The following KIF13A variants were observed in gnomAD, a reference collection of about 807,000 sequenced individuals.
The protein encoded by KIF13A is kinesin family member 13A.
Under a neutral mutation model 212.2 loss-of-function variants are expected in KIF13A, and 79 were observed. The ratio of observed to expected loss-of-function variants is 0.37; its 90% CI spans 0.31 to 0.45. The LOEUF is 0.45. Among genes scored for constraint, KIF13A ranks in the 20% least tolerant of loss-of-function variants. The pLI is 1.00. For missense variants in KIF13A, 1,901 were observed against 2,209.0 expected (o/e 0.86, Z 2.79); for synonymous variants, 789 against 808.6 (o/e 0.98, Z 0.41).
chr6:17,805,663 C>T (rs1196226180), intron 18 of KIF13A, 48 bp from the exon 19 acceptor site: 5 of 1,530,396 alleles, frequency 3.3e-6, no homozygotes, highest in African/African-American at 1.4e-5. Context: ...ACTCCTTTTT[C>T]GATTGCTAAA....
rs1322292926 is a variant in KIF13A at position 17,768,827 on chromosome 6, T to C, written c.4581+2287A>G. On this transcript the variant is annotated intron_variant, in intron 38 of 38. Transcript: ENST00000259711. The surrounding 1 kb of genome is among the most constrained non-coding windows in gnomAD (Gnocchi z 5.4). ...AAATCACTGACTTTCTTTCTGCTAT[T>C]CTCTATGCTTTATGACTTAAAAAGA... 6.6e-6 allele frequency among the ~76,000 whole-genome samples: 1 copy of C among 152,248 alleles called. No individual in the cohort carries two copies. The highest frequency in any genetic ancestry group is 1.5e-5 in the Non-Finnish European group (1 of 68,046).
chr6:17,958,862 G>GTCTTTT (rs1561805710), intron 2 of KIF13A, among the ~76,000 whole-genome samples: 3 of 131,992 alleles, frequency 2.3e-5, no homozygotes, highest in Non-Finnish European at 4.7e-5. Flanking sequence ...ACATTTGTGT[G>GTCTTTT]TCTTTTTCTT....
Position 17,833,957 on chromosome 6 carries a change from C to T in KIF13A, c.1266+4G>A, listed in dbSNP as rs200089081. 8 of 1,477,104 alleles carry T rather than the reference C, an allele frequency of 5.4e-6. No individual in the cohort carries two copies. The highest frequency in any genetic ancestry group is 4.4e-5 in the Admixed American group (2 of 45,454). 91.5% of individuals were successfully genotyped at this position (1,477,104 alleles called of 1,614,324 possible). On this transcript the variant is annotated splice_donor_region_variant and intron_variant, in intron 12 of 38. Coordinates refer to ENST00000259711, the MANE Select transcript of KIF13A (RefSeq NM_022113.6). ...AATATTTTAGGGCTAAATTATCAAG[C>T]TACCTGTGCTATCTCTTCTGTTTTT...
At position 17,777,975 on chromosome 6, in the gene KIF13A, A is replaced by G. The variant is rs766239921; in HGVS notation, c.4093-621T>C. ...AACATGGTAAAACCCTGTTTCTACT[A>G]AAAAATACAAAAATTAGCTGGGCAT... On this transcript the variant is annotated intron_variant, in intron 33 of 38. Transcript: ENST00000259711. The surrounding 1 kb of genome is among the most constrained non-coding windows in gnomAD (Gnocchi z 4.4). Among the ~76,000 whole-genome samples the G allele has an allele frequency of 8.6e-5, 13 of 152,000 alleles. No homozygotes were observed. The highest frequency in any genetic ancestry group is 1.5e-4 in the Non-Finnish European group (10 of 67,978).
At chr6:17,928,254 A>G (rs1389270374) in intron 2 of KIF13A, among the ~76,000 whole-genome samples, 1 of 152,228 alleles carries the variant, frequency 6.6e-6, no homozygotes, top group East Asian at 1.9e-4. Context: ...TCTATAGCGT[A>G]GGTGTTTTGT....
chr6:17,820,607 C>T (rs533599961), intron 16 of KIF13A, among the ~76,000 whole-genome samples: 1 of 152,302 alleles, frequency 6.6e-6, no homozygotes, highest in Non-Finnish European at 1.5e-5. Context: ...AGATTGTCCA[C>T]AGGTTTATTT....
rs981358506 is a variant in KIF13A at position 17,811,574 on chromosome 6, C to A, written c.2001-2644G>T. ...TCTGTGGCTTTCTTTGTAATTCTCA[C>A]CAGCGTTTAAATTTACTTGATTCTC... On this transcript the variant is annotated intron_variant, in intron 17 of 38. Transcript: ENST00000259711. This position sits in a 1 kb window ranked among gnomAD's most constrained non-coding sequence, Gnocchi z 6.0. Among the ~76,000 whole-genome samples, 1 of 152,160 alleles carries A rather than the reference C, an allele frequency of 6.6e-6. No homozygotes were observed. Among genetic ancestry groups the A allele is most frequent in the Non-Finnish European group, 1.5e-5 (1 of 68,046 alleles).
chr6:17,832,214 T>C (rs1765511964), intron 12 of KIF13A, among the ~76,000 whole-genome samples: 1 of 152,170 alleles, frequency 6.6e-6, no homozygotes, highest in African/African-American at 2.4e-5. Context: ...GTGAAATATA[T>C]AATGTAGAGA....
intron 2 of KIF13A, among the ~76,000 whole-genome samples, chr6:17,940,164 T>TTCCTCC (rs145026644): frequency 1.3e-5 from 2 of 151,886 alleles, no homozygotes; most frequent in East Asian, 1.9e-4. Flanking sequence ...CTTCTTTCCT[T>TTCCTCC]TCCTCCTCCT....
At chr6:17,832,882 C>T (rs979396894) in intron 12 of KIF13A, among the ~76,000 whole-genome samples, 14 of 151,162 alleles carry the variant, frequency 9.3e-5, no homozygotes, top group African/African-American at 2.0e-4. Flanking sequence ...GGAGTGGTGG[C>T]GCAAGCCTCT....
Position 17,942,025 on chromosome 6 carries a change from G to T in KIF13A, c.147-43845C>A, listed in dbSNP as rs73373172. Among the ~76,000 whole-genome samples, 876 of 152,006 alleles carry T rather than the reference G, an allele frequency of 5.8e-3. 6 individuals carry two copies. Among genetic ancestry groups the T allele is most frequent in the African/African-American group, 0.02 (833 of 41,452 alleles). ...TATATCAACATATATATTTCTGCTGGGTGTGGTGGCTCACACCTCTAATCC... is the reference window on the plus strand; with the variant it reads ...TATATCAACATATATATTTCTGCTGTGTGTGGTGGCTCACACCTCTAATCC... On this transcript the variant is annotated intron_variant, in intron 2 of 38. Coordinates refer to ENST00000259711, the MANE Select transcript of KIF13A (RefSeq NM_022113.6).
chr6:17,838,141 G>A lies in KIF13A; in HGVS notation c.831-558C>T, dbSNP rs2150381504. Among the ~76,000 whole-genome samples the A allele has an allele frequency of 6.6e-6, 1 of 152,068 alleles. No homozygotes were observed. Among genetic ancestry groups the A allele is most frequent in the East Asian group, 1.9e-4 (1 of 5,186 alleles). ...GATCAAGACCATCCTGGCCAACATG[G>A]TGAAACCCCATCTCTACTAAAAATA... On this transcript the variant is annotated intron_variant, in intron 9 of 38. Transcript: ENST00000259711. This position sits in a 1 kb window ranked among gnomAD's most constrained non-coding sequence, Gnocchi z 4.2.
At chr6:17,975,613 T>C (rs567088226) in intron 2 of KIF13A, among the ~76,000 whole-genome samples, 52 of 152,336 alleles carry the variant, frequency 3.4e-4, no homozygotes, top group South Asian at 2.3e-3. Context: ...GGCAGCCTGC[T>C]TTTATTCTCT....
chr6:17,886,758 T>C lies in KIF13A; in HGVS notation c.159+11410A>G, dbSNP rs567169505. ...TGGAGGTTGCAGTGAGTTAAGATCA[T>C]GCCATTGCACTCCAGCCTGGGCAAC... is the stretch of plus-strand genomic sequence containing the variant. On this transcript the variant is annotated intron_variant, in intron 3 of 38. Coordinates refer to ENST00000259711, the MANE Select transcript of KIF13A (RefSeq NM_022113.6). This position sits in a 1 kb window ranked among gnomAD's most constrained non-coding sequence, Gnocchi z 5.6. 1.8e-4 allele frequency among the ~76,000 whole-genome samples: 28 copies of C among 152,190 alleles called. No individual in the cohort carries two copies. The highest frequency in any genetic ancestry group is 6.3e-4 in the African/African-American group (26 of 41,530).
chr6:17,940,822 T>TTA (rs1554119573), intron 2 of KIF13A, among the ~76,000 whole-genome samples: 11 of 148,758 alleles, frequency 7.4e-5, no homozygotes, highest in African/African-American at 2.6e-4. Context: ...AATTTATTTT[T>TTA]TTTTTTTTTT....
Position 17,972,112 on chromosome 6 carries a change from T to G in KIF13A, c.146+14942A>C, listed in dbSNP as rs377036913. 2.8e-4 allele frequency among the ~76,000 whole-genome samples: 43 copies of G among 152,358 alleles called. No individual in the cohort carries two copies. In the East Asian group the frequency reaches 8.1e-3, roughly 29 times the overall value. ...TAATGTTACCTATTTGTACTGTAAC[T>G]CTTTGTAAGTCTAGATTCAAAAGGA... On this transcript the variant is annotated intron_variant, in intron 2 of 38. Transcript: ENST00000259711.
chr6:17,890,791 T>TAAC (rs1771980638), intron 3 of KIF13A, among the ~76,000 whole-genome samples: 1 of 10,528 alleles, frequency 9.5e-5, no homozygotes. Flanking sequence ...TATGCCCAGC[T>TAAC]AATAATAATA....
intron 12 of KIF13A, 36 bp downstream of exon 12, chr6:17,833,925 G>T: frequency 3.0e-6 from 3 of 1,006,802 alleles, no homozygotes; most frequent in Non-Finnish European, 4.3e-6. Context: ...AAGTGAAAAA[G>T]AATCCCAATA....
rs1052666230 is a variant in KIF13A, at chr6:17,895,608, C to T, written c.159+2560G>A. On this transcript the variant is annotated intron_variant, in intron 3 of 38. Transcript: ENST00000259711. The surrounding 1 kb of genome is among the most constrained non-coding windows in gnomAD (Gnocchi z 4.4). ...CAAAGTATAAGGAGATTAGCAAGGA[C>T]TCCACCTCTGGAAGGACTTGAACTC... Among the ~76,000 whole-genome samples the T allele has an allele frequency of 6.6e-6, 1 of 152,234 alleles. No homozygotes were observed. The highest frequency in any genetic ancestry group is 6.5e-5 in the Admixed American group (1 of 15,290).
Sources: gnomAD v4.1 joint callset for allele counts (sites outside exome capture counted in the v4.1 genomes callset) on GRCh38, gnomAD v4.1.1 for gene constraint, Gnocchi (gnomAD v3.1) non-coding constraint, MANE v1.5 for transcripts, NCBI Gene and HGNC (gene_info 2026-07-23, HGNC 2026-07-21) for gene names.